The following DPF3 variants were observed in gnomAD, a reference collection of about 807,000 sequenced individuals.
DPF3 encodes double PHD fingers 3, also known as zinc finger protein DPF3.
In DPF3, 18 loss-of-function variants were observed where a neutral mutation model predicts 56.8. The observed-to-expected ratio is 0.32, with a 90% CI of 0.22 to 0.47. DPF3 has a LOEUF of 0.47. Among genes scored for constraint, DPF3 ranks in the 20% least tolerant of loss-of-function variants. The probability of loss-of-function intolerance (pLI) is 1.00; values close to 1 mark genes in which losing one functional copy is unlikely to be tolerated. For missense variants in DPF3, 403 were observed against 488.8 expected (o/e 0.82, Z 1.65); for synonymous variants, 188 against 180.2 (o/e 1.04, Z -0.35).
chr14:72,796,070 C>T (rs1892634982), intron 1 of DPF3, among the ~76,000 whole-genome samples: 1 of 152,182 alleles, frequency 6.6e-6, no homozygotes, highest in Non-Finnish European at 1.5e-5. Context: ...CATTTGATTC[C>T]ATTACTGAAA....
At chr14:72,668,028 TG>T (rs1886510970) in intron 8 of DPF3, among the ~76,000 whole-genome samples, 1 of 152,152 alleles carries the variant, frequency 6.6e-6, no homozygotes, top group Non-Finnish European at 1.5e-5. Flanking sequence ...ACCTATCTCA[TG>T]GGAGTAGTCA....
At chr14:72,759,541 C>T (rs12891028) in intron 2 of DPF3, among the ~76,000 whole-genome samples, 1 of 143,832 alleles carries the variant, frequency 7.0e-6, no homozygotes, top group East Asian at 2.0e-4. Context: ...GAAAGAGAGA[C>T]AGAGAGAGAC....
intron 3 of DPF3, among the ~76,000 whole-genome samples, chr14:72,737,859 C>A (rs1488579233): frequency 1.3e-5 from 2 of 151,894 alleles, no homozygotes; most frequent in East Asian, 3.9e-4. Context: ...ATCCCACAGA[C>A]AATGGCAAAG....
intron 8 of DPF3, among the ~76,000 whole-genome samples, chr14:72,664,241 T>C (rs1394700001): frequency 6.6e-6 from 1 of 152,116 alleles, no homozygotes; most frequent in African/African-American, 2.4e-5. Context: ...CCCTGACCCC[T>C]CTGGTCAGAT....
At chr14:72,795,183 G>A (rs1158257702) in intron 1 of DPF3, among the ~76,000 whole-genome samples, 1 of 151,128 alleles carries the variant, frequency 6.6e-6, no homozygotes, top group East Asian at 1.9e-4. Flanking sequence ...GCTGCTGCAA[G>A]GTACACTTGA....
intron 9 of DPF3, among the ~76,000 whole-genome samples, chr14:72,628,068 AT>A (rs1410597358): frequency 6.6e-6 from 1 of 152,056 alleles, no homozygotes; most frequent in African/African-American, 2.4e-5. Flanking sequence ...ATAGAGTTTT[AT>A]TACTTTGTTA....
At chr14:72,661,441 T>C (rs1886205918) in intron 8 of DPF3, 1 of 985,390 alleles carries the variant, frequency 1.0e-6, no homozygotes, top group South Asian at 4.7e-5. Flanking sequence ...CCTTAGACTA[T>C]TCGTGTGTTA....
At position 72,659,945 on chromosome 14, in the gene DPF3, G is replaced by A. The variant is rs144187968; in HGVS notation, c.871+14295C>T. Among the ~76,000 whole-genome samples the A allele has an allele frequency of 1.4e-4, 21 of 152,300 alleles. No homozygotes were observed. The East Asian group carries it at 1.9e-3, about 14-fold the overall frequency. Reference sequence around the variant, plus strand: ...ATATTACACTAAATGAAATAAGTCCGTGACAAAAGGACAAATGCTGTATGA... The same window carrying A: ...ATATTACACTAAATGAAATAAGTCCATGACAAAAGGACAAATGCTGTATGA... On this transcript the variant is annotated intron_variant, in intron 8 of 10. Coordinates refer to ENST00000556509, the MANE Select transcript of DPF3 (RefSeq NM_001280542.3).
chr14:72,678,024 G>A (rs1249885551), intron 7 of DPF3, among the ~76,000 whole-genome samples: 1 of 152,162 alleles, frequency 6.6e-6, no homozygotes, highest in Non-Finnish European at 1.5e-5. Flanking sequence ...ACAAAACTGT[G>A]GCAAATCTTT....
At chr14:72,832,219 T>A (rs1396726218) in intron 1 of DPF3, among the ~76,000 whole-genome samples, 1 of 151,854 alleles carries the variant, frequency 6.6e-6, no homozygotes, top group Non-Finnish European at 1.5e-5. Flanking sequence ...CATGTTTCTT[T>A]AAAAAAAATT....
At chr14:72,755,308 G>C (rs147423970) in intron 2 of DPF3, among the ~76,000 whole-genome samples, 2 of 152,132 alleles carry the variant, frequency 1.3e-5, no homozygotes, top group East Asian at 3.9e-4. Flanking sequence ...GGTGGTCAGC[G>C]GTACCAGAGA....
intron 4 of DPF3, among the ~76,000 whole-genome samples, chr14:72,729,224 G>A (rs1438168626): frequency 6.6e-6 from 1 of 151,866 alleles, no homozygotes. Context: ...CTCCAGCCTG[G>A]GCGACACAGC....
intron 1 of DPF3, among the ~76,000 whole-genome samples, chr14:72,802,498 C>T (rs559816944): frequency 2.0e-4 from 31 of 152,268 alleles, no homozygotes; most frequent in African/African-American, 7.2e-4. Flanking sequence ...GATATCAAAG[C>T]TCAAAATTAG....
At chr14:72,706,226 G>A (rs767899460) in intron 6 of DPF3, among the ~76,000 whole-genome samples, 19 of 152,080 alleles carry the variant, frequency 1.2e-4, no homozygotes, top group Non-Finnish European at 2.5e-4. Context: ...ATCCACCCCT[G>A]GGGGCCAATA....
At chr14:72,715,707 G>T (rs935461452) in intron 5 of DPF3, among the ~76,000 whole-genome samples, 3 of 151,840 alleles carry the variant, frequency 2.0e-5, no homozygotes, top group Non-Finnish European at 4.4e-5. Flanking sequence ...CCCTAGGCCT[G>T]CAACACACCC....
At chr14:72,671,007 G>C in intron 8 of DPF3, 3 of 1,459,928 alleles carry the variant, frequency 2.1e-6, no homozygotes, top group Non-Finnish European at 2.7e-6. Flanking sequence ...GGGAGGTGAA[G>C]GGAAAAAAAG....
intron 4 of DPF3, among the ~76,000 whole-genome samples, chr14:72,727,393 T>C (rs1043494577): frequency 1.3e-5 from 2 of 152,136 alleles, no homozygotes; most frequent in Non-Finnish European, 2.9e-5. Context: ...CTGGCCAATG[T>C]GGTGAAACCC....
chr14:72,794,519 G>A (rs948110321), intron 1 of DPF3, among the ~76,000 whole-genome samples: 28 of 152,136 alleles, frequency 1.8e-4, no homozygotes, highest in African/African-American at 5.8e-4. Flanking sequence ...GGATGATTCC[G>A]TGACAAACCA....
In DPF3 at chr14:72,716,151, A is replaced by G. The variant is rs567510961; in HGVS notation, c.526-1650T>C. Among the ~76,000 whole-genome samples the G allele has an allele frequency of 2.0e-5, 3 of 152,008 alleles. No homozygotes were observed. The East Asian group carries it at 5.9e-4, about 30-fold the overall frequency. ...GGGAAGGGGCTCTGGGAGACTAAAA[A>G]TACCTCCATGGGGAAGGGGAGGAGT... On this transcript the variant is annotated intron_variant, in intron 5 of 10. Transcript: ENST00000556509.
Sources: allele counts gnomAD v4.1 joint callset (sites outside exome capture counted in the v4.1 genomes callset), GRCh38; gene constraint gnomAD v4.1.1; transcripts MANE v1.5; gene names NCBI Gene and HGNC (gene_info 2026-07-23, HGNC 2026-07-21).